Variants in DNAH8 observed in about 807,000 individuals in gnomAD.
DNAH8 encodes the protein axonemal beta dynein heavy chain 8.
A neutral mutation model predicts 562.1 loss-of-function variants in DNAH8; 382 were observed. That is an observed-to-expected ratio of 0.68 (90% CI 0.63 to 0.74). The LOEUF (loss-of-function observed/expected upper bound fraction) is 0.74, where lower values mean the gene tolerates loss of function less well. Among genes scored for constraint, DNAH8 ranks in the 30% least tolerant of loss-of-function variants. DNAH8 has a pLI of 0.00. For missense variants in DNAH8, 5,203 were observed against 5,620.4 expected (o/e 0.93, Z 2.37); for synonymous variants, 1,881 against 1,919.4 (o/e 0.98, Z 0.52).
chr6:38,944,820 G>A (rs1014002091), intron 79 of DNAH8, among the ~76,000 whole-genome samples: 11 of 152,022 alleles, frequency 7.2e-5, no homozygotes, highest in African/African-American at 2.7e-4. Flanking sequence ...ATCAATGAAT[G>A]GATAAATGAT....
chr6:38,730,688 TCTG>T (rs1763596906), intron 4 of DNAH8, among the ~76,000 whole-genome samples: 2 of 152,212 alleles, frequency 1.3e-5, no homozygotes, highest in African/African-American at 4.8e-5. Flanking sequence ...CTTTTATTGT[TCTG>T]CTGTTTATTG....
intron 10 of DNAH8, among the ~76,000 whole-genome samples, chr6:38,759,417 A>G (rs1308064009): frequency 2.6e-5 from 4 of 152,228 alleles, no homozygotes; most frequent in Non-Finnish European, 5.9e-5. Context: ...ATATAAAGTC[A>G]TAGTCACATT....
chr6:38,898,002 T>C (rs2150502364), intron 60 of DNAH8, among the ~76,000 whole-genome samples: 1 of 152,304 alleles, frequency 6.6e-6, no homozygotes. Flanking sequence ...AATGTGTTAA[T>C]TACTATGGAT....
At chr6:38,844,728 C>T (rs765583862) in intron 35 of DNAH8, among the ~76,000 whole-genome samples, 22 of 152,110 alleles carry the variant, frequency 1.4e-4, no homozygotes, top group Non-Finnish European at 2.9e-4. Flanking sequence ...GTACCATTAG[C>T]CAAATTAGAT....
At chr6:38,915,404 A>C (rs780541329) in intron 68 of DNAH8, 27 bp downstream of exon 68, 2 of 1,497,402 alleles carry the variant, frequency 1.3e-6, no homozygotes, top group Admixed American at 5.1e-5. Context: ...TACCCCTTCC[A>C]ACACAAGTCC....
At position 38,875,801 on chromosome 6, in the gene DNAH8, ATGTATGAGTTTTATGTTAC is replaced by A. The variant is rs1474748999; in HGVS notation, c.7834_7852del (p.Tyr2612IlefsTer41). On this transcript the variant is annotated frameshift_variant, in exon 53 of 93. Coordinates refer to ENST00000327475, the MANE Select transcript of DNAH8 (RefSeq NM_001206927.2). LOFTEE classifies it high-confidence loss of function. Reference sequence around the variant, plus strand: ...AATACCTAAAGGCTCAAATCAAACCATGTATGAGTTTTATGTTACTGATTATGGTAAGCCCACTGAACTA... The same window carrying A: ...AATACCTAAAGGCTCAAATCAAACCATGATTATGGTAAGCCCACTGAACTA... The A allele has an allele frequency of 6.2e-7, 1 of 1,613,556 alleles. No individual in the cohort carries two copies. Among genetic ancestry groups the A allele is most frequent in the Non-Finnish European group, 8.5e-7 (1 of 1,179,530 alleles).
intron 21 of DNAH8, among the ~76,000 whole-genome samples, chr6:38,791,993 A>G (rs574273401): frequency 6.6e-6 from 1 of 152,244 alleles, no homozygotes; most frequent in Admixed American, 6.5e-5. Context: ...ACTCCAACAT[A>G]CTTTCCCTCT....
chr6:38,746,576 A>T (rs902759649), intron 8 of DNAH8, among the ~76,000 whole-genome samples: 7 of 150,746 alleles, frequency 4.6e-5, no homozygotes, highest in African/African-American at 1.7e-4. Context: ...AGATGAATTA[A>T]TTTTTTCAGC....
chr6:39,009,643 G>A (rs1766052258), intron 89 of DNAH8, among the ~76,000 whole-genome samples: 1 of 152,130 alleles, frequency 6.6e-6, no homozygotes, highest in Non-Finnish European at 1.5e-5. Flanking sequence ...CAGTGCTCAG[G>A]ACAGCACCAG....
chr6:38,727,732 A>G lies in DNAH8; in HGVS notation c.526-2170A>G, dbSNP rs147515734. 2.9e-3 allele frequency among the ~76,000 whole-genome samples: 436 copies of G among 152,286 alleles called. 4 individuals are homozygous for G. Among genetic ancestry groups the G allele is most frequent in the African/African-American group, 0.01 (424 of 41,542 alleles). On this transcript the variant is annotated intron_variant, in intron 3 of 92. Coordinates refer to ENST00000327475, the MANE Select transcript of DNAH8 (RefSeq NM_001206927.2). ...TTTGGGTGTGACTCCTTTTCTTGCTAGGACCTTGACCAATGCAGATGTTTC... is the reference window on the plus strand; with the variant it reads ...TTTGGGTGTGACTCCTTTTCTTGCTGGGACCTTGACCAATGCAGATGTTTC...
chr6:38,819,152 A>G (rs1225474853), intron 26 of DNAH8, among the ~76,000 whole-genome samples: 1 of 152,234 alleles, frequency 6.6e-6, no homozygotes, highest in African/African-American at 2.4e-5. Context: ...CTTTTCTTGT[A>G]GGAGCCTTCG....
At chr6:38,773,006 T>C (rs1767728434) in intron 12 of DNAH8, among the ~76,000 whole-genome samples, 1 of 139,260 alleles carries the variant, frequency 7.2e-6, no homozygotes, top group Non-Finnish European at 1.5e-5. Context: ...TTTGTAGAGA[T>C]GGGGTCTTGC....
At chr6:39,023,186 A>T (rs2150793702) in intron 91 of DNAH8, among the ~76,000 whole-genome samples, 1 of 152,120 alleles carries the variant, frequency 6.6e-6, no homozygotes, top group African/African-American at 2.4e-5. Flanking sequence ...TTGGTTTAGG[A>T]ATTATTAAAA....
intron 40 of DNAH8, 26 bp downstream of exon 40, chr6:38,852,824 T>A: frequency 6.5e-7 from 1 of 1,546,118 alleles, no homozygotes; most frequent in Non-Finnish European, 8.9e-7. Context: ...TTAAATTTTT[T>A]TATTAGAATT....
At position 38,734,506 on chromosome 6, in the gene DNAH8, G is replaced by A. The variant is rs1369615342; in HGVS notation, c.643G>A (p.Gly215Arg). 1.2e-6 allele frequency: 2 copies of A among 1,613,776 alleles called. No individual in the cohort carries two copies. Among genetic ancestry groups the A allele is most frequent in the Admixed American group, 3.3e-5 (2 of 59,950 alleles). Residue 215 changes from glycine to arginine, a missense_variant, in exon 5 of 93, where the codon GGG becomes AGG. Physicochemically the swap from Gly to Arg is moderately radical, Grantham distance 125 (BLOSUM62 -2). Around this residue, in one of 6 missense-constraint regions of DNAH8, gnomAD observed 556 missense variants for 496.9 expected, o/e 1.12. Coordinates refer to ENST00000327475, the MANE Select transcript of DNAH8 (RefSeq NM_001206927.2). ...TCGAACTATTGCTGGAGCAACTAAA[G>A]GGGCAAAAATGATGAAATTGTATAT... ...CGRTIAGATK[G>R]AKMMKLYIDN... is the part of the protein sequence containing the mutation.
At chr6:38,800,325 T>C (rs905582263) in intron 21 of DNAH8, among the ~76,000 whole-genome samples, 1 of 152,166 alleles carries the variant, frequency 6.6e-6, no homozygotes, top group Non-Finnish European at 1.5e-5. Context: ...GCCAGGATGC[T>C]TTCCAAAGTG....
chr6:38,808,382 G>A (rs981794607), intron 24 of DNAH8, among the ~76,000 whole-genome samples: 1 of 152,098 alleles, frequency 6.6e-6, no homozygotes, highest in Non-Finnish European at 1.5e-5. Flanking sequence ...CAACATACAG[G>A]GTGTGAAATG....
chr6:38,885,784 C>T (rs1295738451), intron 56 of DNAH8, among the ~76,000 whole-genome samples: 2 of 152,144 alleles, frequency 1.3e-5, no homozygotes, highest in African/African-American at 4.8e-5. Context: ...TCAGGTGAAG[C>T]CTCCCCTGCT....
At chr6:38,780,479 T>C (rs1768474410) in intron 15 of DNAH8, among the ~76,000 whole-genome samples, 1 of 151,988 alleles carries the variant, frequency 6.6e-6, no homozygotes, top group Admixed American at 6.6e-5. Context: ...GAAAAGGTGG[T>C]AGATACACCA....
Sources: gnomAD v4.1 joint callset for allele counts (sites outside exome capture counted in the v4.1 genomes callset) on GRCh38, gnomAD v4.1.1 for gene constraint, gnomAD v4.1.1 regional missense constraint, MANE v1.5 for transcripts, NCBI Gene and HGNC (gene_info 2026-07-23, HGNC 2026-07-21) for gene names.